Variants in COL23A1 observed in about 807,000 individuals in gnomAD.
The protein encoded by COL23A1 is collagen type XXIII alpha 1 chain.
A neutral mutation model predicts 99.3 loss-of-function variants in COL23A1; 97 were observed. The observed-to-expected ratio is 0.98, with a 90% CI of 0.83 to 1.16. COL23A1 has a LOEUF of 1.16. COL23A1 is among the 50% of genes most tolerant of loss of function. The probability of loss-of-function intolerance (pLI) is 0.00; values close to 1 mark genes in which losing one functional copy is unlikely to be tolerated. For synonymous variants in COL23A1, 320 were observed against 308.2 expected, an observed-to-expected ratio of 1.04 and a Z score of -0.40; for missense variants, 762 against 757.4, an observed-to-expected ratio of 1.01 and a Z score of -0.07.
Position 178,242,370 on chromosome 5 carries a change from T to A in COL23A1, c.1465A>T (p.Lys489Ter). Residue 489 changes from lysine to a stop codon, truncating the protein, a stop_gained, in exon 26 of 29, where the codon AAA becomes TAA. Transcript: ENST00000390654. LOFTEE classifies it high-confidence loss of function. ...LDGFPGPRGE[K>*]GDRSERGEKG... ...TCTCCACGCTCGCTCCGATCACCTT[T>A]CTCTCCTCGGGGTCCAGGGAAACCC... 2 of 1,614,084 alleles carry A rather than the reference T, an allele frequency of 1.2e-6. No individual in the cohort carries two copies. Among genetic ancestry groups the A allele is most frequent in the Non-Finnish European group, 8.5e-7 (1 of 1,180,020 alleles).
At chr5:178,390,059 T>C (rs184394920) in intron 2 of COL23A1, among the ~76,000 whole-genome samples, 4 of 152,284 alleles carry the variant, frequency 2.6e-5, no homozygotes, top group Admixed American at 6.5e-5. Flanking sequence ...CCAAGCCACA[T>C]CTGCTGAGGC....
chr5:178,245,958 C>T lies in COL23A1; in HGVS notation c.1424G>A (p.Gly475Glu). 6.2e-7 allele frequency: 1 copy of T among 1,614,146 alleles called. No individual in the cohort carries two copies. The highest frequency in any genetic ancestry group is 8.5e-7 in the Non-Finnish European group (1 of 1,180,022). ...GACACTTACATCTAGTCCTGGCTCC[C>T]CGGGTCTGCCCTGAGGAGAGACACA... ...PGTKGEKGRP[G>E]EPGLDGFPGP... The change falls in exon 25 of 29, where the codon GGG becomes GAG. Residue 475 changes from glycine (G) to glutamate (E), a missense_variant. Transcript: ENST00000390654.
chr5:178,452,726 A>G (rs1374253759), intron 2 of COL23A1, among the ~76,000 whole-genome samples: 1 of 152,222 alleles, frequency 6.6e-6, no homozygotes, highest in African/African-American at 2.4e-5. Flanking sequence ...AGTGCACTGC[A>G]AATTGAAACT....
At position 178,360,532 on chromosome 5, in the gene COL23A1, C is replaced by T. The variant is rs553756250; in HGVS notation, c.362-53613G>A. Among the ~76,000 whole-genome samples the T allele has an allele frequency of 2.7e-4, 41 of 152,322 alleles. 1 individual carries two copies. Among genetic ancestry groups the T allele is most frequent in the African/African-American group, 9.9e-4 (41 of 41,578 alleles). ...GCCTGCCCGGCAAAGAGCAGGAGAA[C>T]TGACCGCACACAGATCTGTGTTCAA... On this transcript the variant is annotated intron_variant, in intron 2 of 28. Transcript: ENST00000390654.
rs146936221 is a variant in COL23A1, at chr5:178,364,231, T to C, written c.362-57312A>G. Among the ~76,000 whole-genome samples the C allele has an allele frequency of 1.5e-3, 232 of 152,280 alleles. 5 individuals carry two copies. In the South Asian group the frequency reaches 0.033, roughly 22 times the overall value. ...CCCTCCCGCCTAAGCCCACGTCCCTTGTAAGTCTGAGAAGAAAGCTCCACA... is the reference window on the plus strand; with the variant it reads ...CCCTCCCGCCTAAGCCCACGTCCCTCGTAAGTCTGAGAAGAAAGCTCCACA... On this transcript the variant is annotated intron_variant, in intron 2 of 28. Coordinates refer to ENST00000390654, the MANE Select transcript of COL23A1 (RefSeq NM_173465.4).
chr5:178,483,002 G>T (rs1484380592), intron 2 of COL23A1, among the ~76,000 whole-genome samples: 1 of 152,132 alleles, frequency 6.6e-6, no homozygotes, highest in African/African-American at 2.4e-5. Context: ...AGCCCAAGAG[G>T]CTGAGGCTGC....
chr5:178,534,258 A>G (rs1156339925), intron 2 of COL23A1, among the ~76,000 whole-genome samples: 1 of 152,150 alleles, frequency 6.6e-6, no homozygotes, highest in Non-Finnish European at 1.5e-5. Flanking sequence ...ACACGGTGGA[A>G]GGAAAAACAG....
chr5:178,305,929 G>A (rs1758327577), intron 3 of COL23A1, among the ~76,000 whole-genome samples: 1 of 152,146 alleles, frequency 6.6e-6, no homozygotes, highest in Non-Finnish European at 1.5e-5. Flanking sequence ...TCCCTGTGAC[G>A]GGGAAGCCCA....
At chr5:178,494,986 C>A (rs637776) in intron 2 of COL23A1, among the ~76,000 whole-genome samples, 4,143 of 152,270 alleles carry the variant, frequency 0.027, 183 homozygotes, top group African/African-American at 0.093. Context: ...TTTTCAGCCC[C>A]AATAATGACA....
chr5:178,414,145 C>T (rs1357483107), intron 2 of COL23A1, among the ~76,000 whole-genome samples: 8 of 152,206 alleles, frequency 5.3e-5, no homozygotes, highest in Non-Finnish European at 1.2e-4. Flanking sequence ...TCTGCTGTCA[C>T]GCTCTCCTCT....
intron 2 of COL23A1, among the ~76,000 whole-genome samples, chr5:178,489,063 A>C (rs1757789739): frequency 6.6e-6 from 1 of 151,924 alleles, no homozygotes. Context: ...ACCTGACTGG[A>C]TGGAGGGGTC....
At position 178,590,061 on chromosome 5, in the gene COL23A1, C is replaced by A. The variant is rs1764191555; in HGVS notation, c.137G>T (p.Gly46Val). The A allele has an allele frequency of 7.4e-7, 1 of 1,343,628 alleles. No homozygotes were observed. Among genetic ancestry groups the A allele is most frequent in the African/African-American group, 1.5e-5 (1 of 65,562 alleles). 83.2% of individuals were successfully genotyped at this position (1,343,628 alleles called of 1,614,324 possible). A position where few individuals can be genotyped will look rare whatever the true frequency, so the allele number is the denominator to read the frequency against. ...CAGCAGCAGGCAGGCAGCCGCCGAG[C>A]CCACGGAGAGCAGCAGGCACAGCGC... ...VSALCLLLSV[G>V]SAAACLLLGV... Residue 46 changes from glycine to valine, a missense_variant, in exon 1 of 29, where the codon GGC becomes GTC. Gly to Val is a moderately radical substitution (Grantham distance 109). Transcript: ENST00000390654. This position sits in a 1 kb window ranked among gnomAD's most constrained non-coding sequence, Gnocchi z 5.7.
chr5:178,330,232 C>T (rs970710769), intron 2 of COL23A1, among the ~76,000 whole-genome samples: 20 of 152,234 alleles, frequency 1.3e-4, no homozygotes, highest in Non-Finnish European at 1.9e-4. Flanking sequence ...TCAACTCACA[C>T]ACGCACTGTA....
At chr5:178,448,210 T>C (rs112600919) in intron 2 of COL23A1, among the ~76,000 whole-genome samples, 16,275 of 50,330 alleles carry the variant, frequency 0.32, 2,095 homozygotes, top group African/African-American at 0.48. Context: ...GCAGTCCGTT[T>C]TGTTCTGTTA....
chr5:178,360,852 G>C (rs778669179), intron 2 of COL23A1, among the ~76,000 whole-genome samples: 8 of 152,226 alleles, frequency 5.3e-5, no homozygotes, highest in Non-Finnish European at 1.2e-4. Context: ...GGCCAACAGA[G>C]CCAATGTGAT....
intron 2 of COL23A1, among the ~76,000 whole-genome samples, chr5:178,494,546 G>A (rs1455497924): frequency 6.6e-6 from 1 of 152,172 alleles, no homozygotes; most frequent in Non-Finnish European, 1.5e-5. Flanking sequence ...GTGGTGGCAC[G>A]TGCCTGTAAT....
At chr5:178,523,050 C>CA (rs1309045993) in intron 2 of COL23A1, among the ~76,000 whole-genome samples, 2 of 151,276 alleles carry the variant, frequency 1.3e-5, no homozygotes, top group African/African-American at 4.9e-5. Flanking sequence ...CCTGTAATCC[C>CA]AGCACTTTGG....
chr5:178,546,438 C>T (rs530838259), intron 2 of COL23A1, among the ~76,000 whole-genome samples: 21 of 152,316 alleles, frequency 1.4e-4, no homozygotes, highest in African/African-American at 4.8e-4. Context: ...GCCATCTCAG[C>T]TCTTCTCCCA....
At chr5:178,563,592 CA>C (rs1762711939) in intron 1 of COL23A1, among the ~76,000 whole-genome samples, 1 of 131,924 alleles carries the variant, frequency 7.6e-6, no homozygotes, top group African/African-American at 2.9e-5. Context: ...AATGCAGTGG[CA>C]CCATCTCCGC....
Sources: gnomAD v4.1 joint callset for allele counts (sites outside exome capture counted in the v4.1 genomes callset) on GRCh38, gnomAD v4.1.1 for gene constraint, Gnocchi (gnomAD v3.1) non-coding constraint, MANE v1.5 for transcripts, NCBI Gene and HGNC (gene_info 2026-07-23, HGNC 2026-07-21) for gene names.